The following TRHDE variants were observed in gnomAD, a reference collection of about 807,000 sequenced individuals.
TRHDE encodes thyrotropin-releasing hormone-degrading ectoenzyme.
TRHDE carries 72 observed loss-of-function variants against 125.7 expected under a neutral mutation model. The observed-to-expected ratio is 0.57, with a 90% CI of 0.47 to 0.70. The LOEUF (loss-of-function observed/expected upper bound fraction) is 0.70, where lower values mean the gene tolerates loss of function less well. TRHDE is among the 30% of genes least tolerant of loss of function. The probability of loss-of-function intolerance (pLI) is 0.00; values close to 1 mark genes in which losing one functional copy is unlikely to be tolerated. For synonymous variants in TRHDE, 509 were observed against 509.1 expected, an observed-to-expected ratio of 1.00 and a Z score of 0.00; for missense variants, 1,110 against 1,327.1, an observed-to-expected ratio of 0.84 and a Z score of 2.54.
intron 6 of TRHDE, among the ~76,000 whole-genome samples, chr12:72,518,742 G>A (rs1407957862): frequency 2.6e-5 from 4 of 152,082 alleles, no homozygotes; most frequent in Admixed American, 2.0e-4. Flanking sequence ...TCCTAGCCTC[G>A]ATGGTCTTTA....
intron 3 of TRHDE, among the ~76,000 whole-genome samples, chr12:72,430,408 T>G (rs1270375589): frequency 6.8e-6 from 1 of 146,328 alleles, no homozygotes; most frequent in Non-Finnish European, 1.5e-5. Context: ...CACGTATATA[T>G]ATGTGCATAT....
intron 12 of TRHDE, among the ~76,000 whole-genome samples, chr12:72,603,116 A>G (rs981284133): frequency 2.6e-5 from 4 of 152,198 alleles, no homozygotes; most frequent in Non-Finnish European, 5.9e-5. Flanking sequence ...AAAACATGCA[A>G]AAGAATAAAG....
At chr12:72,532,451 A>C (rs1265426049) in intron 6 of TRHDE, among the ~76,000 whole-genome samples, 1 of 151,054 alleles carries the variant, frequency 6.6e-6, no homozygotes, top group Non-Finnish European at 1.5e-5. Context: ...TATACTTTTG[A>C]ATAGAAATAT....
chr12:72,332,708 C>T (rs925468737), intron 2 of TRHDE, among the ~76,000 whole-genome samples: 1 of 152,202 alleles, frequency 6.6e-6, no homozygotes, highest in Admixed American at 6.5e-5. Flanking sequence ...ACTGAGTCTA[C>T]TGGGCTAGGC....
chr12:72,244,218 T>C (rs1245854400), intron 2 of TRHDE, among the ~76,000 whole-genome samples: 1 of 152,210 alleles, frequency 6.6e-6, no homozygotes, highest in Non-Finnish European at 1.5e-5. Context: ...TGTTGCCTAC[T>C]GGATCTTCAC....
intron 15 of TRHDE, among the ~76,000 whole-genome samples, chr12:72,651,143 T>C (rs1874489595): frequency 6.6e-6 from 1 of 152,112 alleles, no homozygotes; most frequent in South Asian, 2.1e-4. Context: ...TTAACAAAAT[T>C]AAAGTAACGT....
At chr12:72,180,157 G>C (rs1250737082) in intron 2 of TRHDE, among the ~76,000 whole-genome samples, 1 of 151,720 alleles carries the variant, frequency 6.6e-6, no homozygotes, top group East Asian at 1.9e-4. Context: ...ATATGTATTA[G>C]GGTACTAAGT....
intron 6 of TRHDE, among the ~76,000 whole-genome samples, chr12:72,541,222 C>G (rs1381981148): frequency 6.6e-6 from 1 of 151,498 alleles, no homozygotes; most frequent in Non-Finnish European, 1.5e-5. Context: ...ACCCCGAATC[C>G]AGGCTACCAT....
At chr12:72,436,801 A>C (rs1874766418) in intron 3 of TRHDE, among the ~76,000 whole-genome samples, 1 of 151,940 alleles carries the variant, frequency 6.6e-6, no homozygotes, top group Admixed American at 6.6e-5. Context: ...ACATCTGGAC[A>C]GGTGAAAAAT....
chr12:72,425,997 TG>T (rs1874169408), intron 3 of TRHDE, among the ~76,000 whole-genome samples: 1 of 152,062 alleles, frequency 6.6e-6, no homozygotes, highest in Non-Finnish European at 1.5e-5. Flanking sequence ...TAAACCCTGG[TG>T]ACAGAATCAA....
chr12:72,201,213 A>C (rs987394440), intron 2 of TRHDE, among the ~76,000 whole-genome samples: 7 of 152,196 alleles, frequency 4.6e-5, no homozygotes, highest in Non-Finnish European at 1.0e-4. Flanking sequence ...AATTTCAGTC[A>C]GTGAAATAAA....
At chr12:72,459,367 G>A (rs2135882908) in intron 3 of TRHDE, among the ~76,000 whole-genome samples, 1 of 152,214 alleles carries the variant, frequency 6.6e-6, no homozygotes, top group African/African-American at 2.4e-5. Flanking sequence ...ATGAGGACCT[G>A]GACATCTTTT....
chr12:72,644,563 C>T (rs1279434852), intron 15 of TRHDE, among the ~76,000 whole-genome samples: 1 of 152,162 alleles, frequency 6.6e-6, no homozygotes, highest in Non-Finnish European at 1.5e-5. Context: ...CTGGTGCTGC[C>T]CAAAGAATGA....
In TRHDE at chr12:72,097,432, C is replaced by T. The variant is rs370113988; in HGVS notation, n.175-8216C>T. 1.7e-3 allele frequency among the ~76,000 whole-genome samples: 20 copies of T among 11,800 alleles called. 5 individuals carry two copies. Among genetic ancestry groups the T allele is most frequent in the Non-Finnish European group, 1.8e-3 (5 of 2,782 alleles). The allele number at this position is 11,800 out of a possible 152,430, so 7.7% of individuals were successfully genotyped here. The stretch of plus-strand genomic sequence containing the variant: ...CCTCCTTACCTTGCAGTAGCATTTT[C>T]TCACTGAATTTTTTTTTTTTTTTTT... On this transcript the variant is annotated intron_variant and non_coding_transcript_variant, in intron 1 of 4. Transcript: ENST00000548156.
chr12:72,228,480 C>G (rs1395832683), intron 2 of TRHDE, among the ~76,000 whole-genome samples: 1 of 152,174 alleles, frequency 6.6e-6, no homozygotes, highest in East Asian at 1.9e-4. Flanking sequence ...TTTTTTCCCT[C>G]CTAGGCCTCT....
intron 3 of TRHDE, among the ~76,000 whole-genome samples, chr12:72,451,894 T>A (rs1875594440): frequency 6.6e-6 from 1 of 152,188 alleles, no homozygotes; most frequent in East Asian, 1.9e-4. Context: ...AGTTGTGCAA[T>A]CTTGGCTTAC....
chr12:72,447,271 G>A (rs572868758), intron 3 of TRHDE, among the ~76,000 whole-genome samples: 1 of 152,196 alleles, frequency 6.6e-6, no homozygotes, highest in East Asian at 1.9e-4. Flanking sequence ...TGGCTACTGG[G>A]TACATAACGA....
At chr12:72,337,208 A>G (rs1293860562) in intron 2 of TRHDE, among the ~76,000 whole-genome samples, 3 of 152,156 alleles carry the variant, frequency 2.0e-5, no homozygotes. Context: ...AGTGGCAGAG[A>G]CAAGTCTCAG....
At chr12:72,556,042 C>T (rs186842414) in intron 7 of TRHDE, among the ~76,000 whole-genome samples, 35 of 152,284 alleles carry the variant, frequency 2.3e-4, no homozygotes, top group African/African-American at 7.2e-4. Context: ...ATCTTTCTCT[C>T]CAACATTCTT....
Sources: gnomAD v4.1 joint callset for allele counts (sites outside exome capture counted in the v4.1 genomes callset) on GRCh38, gnomAD v4.1.1 for gene constraint, MANE v1.5 for transcripts, NCBI Gene and HGNC (gene_info 2026-07-23, HGNC 2026-07-21) for gene names.